Variants in KCNIP4 observed in about 807,000 individuals in gnomAD.
KCNIP4 encodes potassium voltage-gated channel interacting protein 4.
KCNIP4 carries 12 observed loss-of-function variants against 34.0 expected under a neutral mutation model. That is an observed-to-expected ratio of 0.35 (90% CI 0.23 to 0.57). The LOEUF (loss-of-function observed/expected upper bound fraction) is 0.57, where lower values mean the gene tolerates loss of function less well. Ranked by LOEUF, KCNIP4 falls within the 20% of genes least tolerant of loss-of-function variation. The pLI, the probability that KCNIP4 is intolerant of heterozygous loss-of-function variation, is 0.83. For synonymous variants in KCNIP4, 124 were observed against 102.2 expected (o/e 1.21, Z -1.29); for missense variants, 238 against 311.7 (o/e 0.76, Z 1.78).
At chr4:21,427,759 A>G (rs1449248884) in intron 1 of KCNIP4, among the ~76,000 whole-genome samples, 1 of 152,220 alleles carries the variant, frequency 6.6e-6, no homozygotes, top group Non-Finnish European at 1.5e-5. Context: ...CTGTCCGCGT[A>G]GGGCAGAAGC....
At chr4:21,544,447 C>A (rs565533724) in intron 1 of KCNIP4, 1 of 152,320 alleles carries the variant, frequency 6.6e-6, no homozygotes, top group South Asian at 2.1e-4. Flanking sequence ...GAGAATCTCA[C>A]AGGCTGAAAT....
chr4:21,692,533 AT>A lies in KCNIP4; in HGVS notation c.61+256037del, dbSNP rs1175794294. 1.4e-4 allele frequency among the ~76,000 whole-genome samples: 22 copies of A among 152,298 alleles called. No individual in the cohort carries two copies. In the East Asian group the frequency reaches 3.9e-3, roughly 27 times the overall value. ...TCATTGGCAGTCAAGTGTAAACATC[AT>A]TTTTCTTTGCTTTCTTTTAGCTTCA... On this transcript the variant is annotated intron_variant, in intron 1 of 8. Coordinates refer to ENST00000382152, the MANE Select transcript of KCNIP4 (RefSeq NM_025221.6).
chr4:21,536,713 A>T (rs961700645), intron 1 of KCNIP4, among the ~76,000 whole-genome samples: 2 of 152,018 alleles, frequency 1.3e-5, no homozygotes, highest in African/African-American at 4.8e-5. Context: ...CTCAGGAAAC[A>T]AGGGTTGCAG....
intron 1 of KCNIP4, among the ~76,000 whole-genome samples, chr4:21,869,739 TA>T (rs1479080009): frequency 2.4e-5 from 2 of 83,528 alleles, no homozygotes; most frequent in Non-Finnish European, 5.5e-5. Context: ...GATAGATAGA[TA>T]GATAGATAGA....
chr4:20,940,817 T>G (rs1577402423), intron 1 of KCNIP4, among the ~76,000 whole-genome samples: 1 of 152,188 alleles, frequency 6.6e-6, no homozygotes, highest in East Asian at 1.9e-4. Context: ...TAGCAAAGAC[T>G]AATTAATTAG....
intron 1 of KCNIP4, among the ~76,000 whole-genome samples, chr4:21,021,629 C>T (rs1008383605): frequency 6.6e-6 from 1 of 151,950 alleles, no homozygotes; most frequent in Non-Finnish European, 1.5e-5. Context: ...TAGCCTAGAC[C>T]TATACATGGC....
intron 3 of KCNIP4, among the ~76,000 whole-genome samples, chr4:20,834,759 C>T (rs1486031781): frequency 1.3e-5 from 2 of 152,156 alleles, no homozygotes; most frequent in African/African-American, 2.4e-5. Flanking sequence ...TTGTGGGCTT[C>T]CCAAACCTCC....
chr4:21,603,528 T>C (rs1015877891), intron 1 of KCNIP4, among the ~76,000 whole-genome samples: 1 of 152,182 alleles, frequency 6.6e-6, no homozygotes, highest in Non-Finnish European at 1.5e-5. Context: ...TTTTATTAAC[T>C]AAGAGGCCAA....
intron 3 of KCNIP4, among the ~76,000 whole-genome samples, chr4:20,771,350 T>A (rs561552200): frequency 6.6e-6 from 1 of 152,340 alleles, no homozygotes; most frequent in East Asian, 1.9e-4. Flanking sequence ...ATTTCTGGAC[T>A]CCTTATGTGA....
intron 1 of KCNIP4, among the ~76,000 whole-genome samples, chr4:21,720,406 C>T (rs1168091168): frequency 6.6e-6 from 1 of 151,954 alleles, no homozygotes; most frequent in Non-Finnish European, 1.5e-5. Context: ...ACTCTGCCTT[C>T]TTGATTTTCA....
chr4:21,313,710 T>C (rs1007240751), intron 1 of KCNIP4, among the ~76,000 whole-genome samples: 9 of 152,180 alleles, frequency 5.9e-5, no homozygotes, highest in African/African-American at 1.9e-4. Context: ...GATTAGCTTG[T>C]ATGGATAACT....
intron 2 of KCNIP4, among the ~76,000 whole-genome samples, chr4:20,864,071 C>T (rs1297978693): frequency 7.5e-5 from 11 of 147,156 alleles, no homozygotes; most frequent in African/African-American, 1.5e-4. Context: ...TGTATGTATA[C>T]GTATGTATGT....
intron 1 of KCNIP4, among the ~76,000 whole-genome samples, chr4:21,322,884 C>T (rs1714648331): frequency 6.6e-6 from 1 of 152,042 alleles, no homozygotes; most frequent in South Asian, 2.1e-4. Context: ...GACTGCTTGT[C>T]CTTGTCCTCA....
chr4:21,483,007 G>A (rs358585), intron 1 of KCNIP4, among the ~76,000 whole-genome samples: 44,053 of 147,544 alleles, frequency 0.3, 6,608 homozygotes, highest in African/African-American at 0.33. Flanking sequence ...AACAAACACC[G>A]CATAGGTGGG....
At chr4:20,785,334 T>TC (rs1711828389) in intron 3 of KCNIP4, among the ~76,000 whole-genome samples, 1 of 151,448 alleles carries the variant, frequency 6.6e-6, no homozygotes, top group South Asian at 2.1e-4. Flanking sequence ...TTTTCTTTTT[T>TC]TTTTTTTTTG....
chr4:21,029,426 G>C lies in KCNIP4; in HGVS notation c.62-146717C>G, dbSNP rs542476988. On this transcript the variant is annotated intron_variant, in intron 1 of 8. Transcript: ENST00000382152. ...TGTACTAACAGTGCAGTAATTGTTA[G>C]TTTCTCCAATGTCCCACAGCCAACC... 2.6e-5 allele frequency among the ~76,000 whole-genome samples: 4 copies of C among 152,306 alleles called. No homozygotes were observed. The South Asian group carries it at 6.2e-4, about 24-fold the overall frequency.
chr4:20,937,126 A>C (rs1052802070), intron 1 of KCNIP4, among the ~76,000 whole-genome samples: 1 of 150,942 alleles, frequency 6.6e-6, no homozygotes, highest in Non-Finnish European at 1.5e-5. Context: ...AGAGTGTTTG[A>C]CCACTGCTGT....
intron 3 of KCNIP4, among the ~76,000 whole-genome samples, chr4:20,848,654 G>T (rs1720662343): frequency 6.6e-6 from 1 of 152,090 alleles, no homozygotes; most frequent in South Asian, 2.1e-4. Context: ...GCAATGAAAG[G>T]CAGCCAGACC....
chr4:20,782,268 G>A (rs1351846311), intron 3 of KCNIP4, among the ~76,000 whole-genome samples: 1 of 152,052 alleles, frequency 6.6e-6, no homozygotes, highest in East Asian at 1.9e-4. Context: ...GCTGTAGGTG[G>A]ATCTACCTAC....
Sources: allele counts gnomAD v4.1 joint callset (sites outside exome capture counted in the v4.1 genomes callset), GRCh38; gene constraint gnomAD v4.1.1; transcripts MANE v1.5; gene names NCBI Gene and HGNC (gene_info 2026-07-23, HGNC 2026-07-21).